The following KDSR variants were observed in gnomAD, a reference collection of about 807,000 sequenced individuals.
KDSR encodes the protein 3-ketodihydrosphingosine reductase.
A neutral mutation model predicts 41.3 loss-of-function variants in KDSR; 23 were observed. The ratio of observed to expected loss-of-function variants is 0.56; its 90% CI spans 0.40 to 0.79. The LOEUF (loss-of-function observed/expected upper bound fraction) is 0.79, where lower values mean the gene tolerates loss of function less well. KDSR is among the 30% of genes least tolerant of loss of function. The pLI is 0.00. For synonymous variants in KDSR, 138 were observed against 151.7 expected (o/e 0.91, Z 0.66); for missense variants, 351 against 416.8 (o/e 0.84, Z 1.37).
At position 63,367,153 on chromosome 18, in the gene KDSR, C is replaced by A; in HGVS notation, c.-35G>T. 1 of 1,136,682 alleles carries A rather than the reference C, an allele frequency of 8.8e-7. No individual in the cohort carries two copies. The highest frequency in any genetic ancestry group is 1.1e-6 in the Non-Finnish European group (1 of 887,384). The allele number at this position is 1,136,682 out of a possible 1,614,324, so 70.4% of individuals were successfully genotyped here. On this transcript the variant is annotated 5_prime_UTR_variant, in exon 1 of 10. Transcript: ENST00000645214. The stretch of plus-strand genomic sequence containing the variant: ...GGGCCAGGGGCCCGGAGCGGCCGGG[C>A]GGGGGCCGCCGGGCAAGGCGCGCAG...
intron 6 of KDSR, chr18:63,346,639 T>G (rs1428218575): frequency 1.3e-5 from 2 of 152,134 alleles, no homozygotes; most frequent in African/African-American, 4.8e-5. Flanking sequence ...ATAGCTGGGG[T>G]TGGGAGAAAC....
intron 5 of KDSR, among the ~76,000 whole-genome samples, chr18:63,352,357 C>T (rs1341014430): frequency 6.6e-6 from 1 of 152,076 alleles, no homozygotes; most frequent in Non-Finnish European, 1.5e-5. Context: ...TCTTGTCACC[C>T]AGGCTGGAGT....
chr18:63,367,195 G>T lies in KDSR; in HGVS notation c.-77C>A. On this transcript the variant is annotated 5_prime_UTR_variant, in exon 1 of 10. Coordinates refer to ENST00000645214, the MANE Select transcript of KDSR (RefSeq NM_002035.4). ...GGCGCGCAGGGCTGGGCTGCGGCGA[G>T]GCGAGAATCACGCGCGGCGGGCGGG... is the stretch of plus-strand genomic sequence containing the variant. The T allele has an allele frequency of 1.4e-6, 1 of 715,648 alleles. No individual in the cohort carries two copies. Among genetic ancestry groups the T allele is most frequent in the Non-Finnish European group, 1.9e-6 (1 of 517,226 alleles). 44.3% of individuals were successfully genotyped at this position (715,648 alleles called of 1,614,324 possible).
chr18:63,337,092 C>CGATATATA (rs1491226334), intron 8 of KDSR, among the ~76,000 whole-genome samples: 1 of 28,430 alleles, frequency 3.5e-5, no homozygotes, highest in African/African-American at 7.7e-5. Flanking sequence ...ATATATGTGA[C>CGATATATA]TTTATATATA....
At chr18:63,332,931 A>G (rs1172220464) in intron 9 of KDSR, among the ~76,000 whole-genome samples, 1 of 152,006 alleles carries the variant, frequency 6.6e-6, no homozygotes, top group African/African-American at 2.4e-5. Context: ...TCCGGAAAAA[A>G]CAATATTTAA....
In KDSR at chr18:63,351,050, G is replaced by A. The variant is rs764212085; in HGVS notation, c.447C>T (p.Ser149=). Residue 149 remains serine (S), a synonymous_variant, in exon 6 of 10, where the codon AGC becomes AGT. Coordinates refer to ENST00000645214, the MANE Select transcript of KDSR (RefSeq NM_002035.4). ...TGATCACGGCCCGGCTGGGGTACACGCTGCCCAGGTAATTGATGCTCATTA... is the reference window on the plus strand; with the variant it reads ...TGATCACGGCCCGGCTGGGGTACACACTGCCCAGGTAATTGATGCTCATTA... ...ERLMSINYLG[S]VYPSRAVITT... is the part of the protein sequence containing the mutation. The A allele has an allele frequency of 3.1e-6, 5 of 1,613,774 alleles. No individual in the cohort carries two copies. In the South Asian group the frequency reaches 3.3e-5, roughly 11 times the overall value.
chr18:63,334,521 T>C (rs1264506075), intron 9 of KDSR, among the ~76,000 whole-genome samples: 4 of 152,198 alleles, frequency 2.6e-5, no homozygotes, highest in African/African-American at 7.2e-5. Context: ...CAGCTAATTT[T>C]TGTGTTTTTA....
chr18:63,359,525 G>T, intron 3 of KDSR: 1 of 413,554 alleles, frequency 2.4e-6, no homozygotes, highest in Non-Finnish European at 4.3e-6. Context: ...TCTGTTATTT[G>T]ACCATTTGTA....
chr18:63,364,054 T>C (rs1599342063), intron 1 of KDSR, among the ~76,000 whole-genome samples: 1 of 152,152 alleles, frequency 6.6e-6, no homozygotes, highest in Non-Finnish European at 1.5e-5. Flanking sequence ...CAGCAGAAGA[T>C]TACTGTAAAA....
intron 5 of KDSR, among the ~76,000 whole-genome samples, chr18:63,353,788 T>C (rs1360494341): frequency 6.6e-6 from 1 of 151,598 alleles, no homozygotes; most frequent in Non-Finnish European, 1.5e-5. Context: ...GAATACAGAT[T>C]GGTGGTTGTC....
intron 7 of KDSR, 26 bp downstream of exon 7, chr18:63,344,384 C>A: frequency 6.6e-7 from 1 of 1,524,398 alleles, no homozygotes; most frequent in South Asian, 1.1e-5. Flanking sequence ...ATTAGAGGTT[C>A]AAATTGGGAC....
intron 2 of KDSR, among the ~76,000 whole-genome samples, chr18:63,362,552 G>A (rs1468349897): frequency 6.6e-6 from 1 of 152,182 alleles, no homozygotes; most frequent in East Asian, 1.9e-4. Context: ...CTATGATGAT[G>A]TTGCCTAATA....
In KDSR at chr18:63,329,066, T is replaced by C. The variant is rs1374232892; in HGVS notation, c.*2716A>G. 5.1e-6 allele frequency: 1 copy of C among 197,968 alleles called. No homozygotes were observed. The highest frequency in any genetic ancestry group is 2.3e-5 in the African/African-American group (1 of 43,340). The allele number at this position is 197,968 out of a possible 1,614,324, so 12.3% of individuals were successfully genotyped here. A position where few individuals can be genotyped will look rare whatever the true frequency, so the allele number is the denominator to read the frequency against. On this transcript the variant is annotated 3_prime_UTR_variant, in exon 10 of 10. Transcript: ENST00000645214. The stretch of plus-strand genomic sequence containing the variant: ...AACAATCACACTCAGGGTTGGTTCT[T>C]TTTTTCTTCCCCCAGCAGAAAAACA...
intron 6 of KDSR, among the ~76,000 whole-genome samples, chr18:63,349,771 T>C (rs901246390): frequency 1.3e-5 from 2 of 152,256 alleles, no homozygotes; most frequent in Non-Finnish European, 2.9e-5. Context: ...ATGAGCCAGA[T>C]CTGGCCCTCT....
chr18:63,358,953 C>T (rs111499707), intron 3 of KDSR, among the ~76,000 whole-genome samples: 85 of 150,954 alleles, frequency 5.6e-4, no homozygotes, highest in African/African-American at 2.0e-3. Flanking sequence ...CAGAGGTAGG[C>T]GGACTGCTTG....
chr18:63,355,668 A>G, intron 3 of KDSR, 105 bp from the exon 4 acceptor site: 1 of 1,375,330 alleles, frequency 7.3e-7, no homozygotes, highest in South Asian at 1.7e-5. Flanking sequence ...AAGGAAGCCA[A>G]TATTGAATGA....
chr18:63,328,296 A>G lies in KDSR; in HGVS notation c.*3486T>C, dbSNP rs893248476. Reference sequence around the variant, plus strand: ...TAAATACTAGAAACAATCTCTCAAAATTTCACTTGCAATGATCAATAATAT... The same window carrying G: ...TAAATACTAGAAACAATCTCTCAAAGTTTCACTTGCAATGATCAATAATAT... On this transcript the variant is annotated 3_prime_UTR_variant, in exon 10 of 10. Coordinates refer to ENST00000645214, the MANE Select transcript of KDSR (RefSeq NM_002035.4). The G allele has an allele frequency of 1.7e-5, 3 of 179,020 alleles. No homozygotes were observed. In the Admixed American group the frequency reaches 1.9e-4, roughly 11 times the overall value. The allele number at this position is 179,020 out of a possible 1,614,324, so 11.1% of individuals were successfully genotyped here.
intron 1 of KDSR, among the ~76,000 whole-genome samples, chr18:63,363,174 CCT>C (rs1339124490): frequency 6.6e-6 from 1 of 151,458 alleles, no homozygotes; most frequent in Non-Finnish European, 1.5e-5. Flanking sequence ...CATTAGTCTG[CCT>C]CTGATTCCAA....
intron 1 of KDSR, among the ~76,000 whole-genome samples, chr18:63,365,028 C>T (rs1046680726): frequency 6.6e-6 from 1 of 152,182 alleles, no homozygotes; most frequent in South Asian, 2.1e-4. Flanking sequence ...AATGCACCTA[C>T]CTCTATGGGA....
Sources: gnomAD v4.1 joint callset for allele counts (sites outside exome capture counted in the v4.1 genomes callset) on GRCh38, gnomAD v4.1.1 for gene constraint, MANE v1.5 for transcripts, NCBI Gene and HGNC (gene_info 2026-07-23, HGNC 2026-07-21) for gene names.